The following VPS33B variants were observed in gnomAD, a reference collection of about 807,000 sequenced individuals.
The protein encoded by VPS33B is vacuolar protein sorting-associated protein 33B.
VPS33B carries 80 observed loss-of-function variants against 95.3 expected under a neutral mutation model. The observed-to-expected ratio is 0.84, with a 90% CI of 0.70 to 1.01. The LOEUF is 1.01. Among genes scored for constraint, VPS33B ranks in the 50% least tolerant of loss-of-function variants. VPS33B has a pLI of 0.00. For missense variants in VPS33B, 715 were observed against 773.4 expected, an observed-to-expected ratio of 0.92 and a Z score of 0.90; for synonymous variants, 280 against 280.4, an observed-to-expected ratio of 1.00 and a Z score of 0.01.
At chr15:91,019,394 T>A (rs992005719) in intron 1 of VPS33B, among the ~76,000 whole-genome samples, 1 of 152,266 alleles carries the variant, frequency 6.6e-6, no homozygotes, top group South Asian at 2.1e-4. Flanking sequence ...CTGTTGGGAT[T>A]ATAGGTGTGA....
At position 91,005,896 on chromosome 15, in the gene VPS33B, A is replaced by G; in HGVS notation, c.939+77T>C. On this transcript the variant is annotated intron_variant, in intron 12 of 22. Transcript: ENST00000333371. The surrounding 1 kb of genome is among the most constrained non-coding windows in gnomAD (Gnocchi z 6.4). The stretch of plus-strand genomic sequence containing the variant: ...AGGACAGGGAACCTGTCATAGTATT[A>G]GAAGGGGAGCCCAAGGGCAGCAGCC... 6.2e-7 allele frequency: 1 copy of G among 1,605,542 alleles called. No individual in the cohort carries two copies. The highest frequency in any genetic ancestry group is 2.2e-5 in the East Asian group (1 of 44,804).
rs74516510 is a variant in VPS33B at position 91,002,634 on chromosome 15, TAAAAA to T, written c.1272+446_1272+450del. On this transcript the variant is annotated intron_variant, in intron 17 of 22. Coordinates refer to ENST00000333371, the MANE Select transcript of VPS33B (RefSeq NM_018668.5). This position sits in a 1 kb window ranked among gnomAD's most constrained non-coding sequence, Gnocchi z 4.7. ...AACAGAGCGAGACATCGTCTCGAAA[TAAAAA>T]AAAAAAAAAAAAGAAAAGAAATAAT... Among the ~76,000 whole-genome samples the T allele has an allele frequency of 6.8e-5, 6 of 88,766 alleles. No individual in the cohort carries two copies. Among genetic ancestry groups the T allele is most frequent in the African/African-American group, 1.5e-4 (4 of 26,678 alleles). 58.2% of individuals were successfully genotyped at this position (88,766 alleles called of 152,430 possible). A position where few individuals can be genotyped will look rare whatever the true frequency, so the allele number is the denominator to read the frequency against.
intron 2 of VPS33B, 66 bp from the exon 3 acceptor site, chr15:91,017,090 A>C: frequency 6.7e-7 from 1 of 1,483,450 alleles, no homozygotes; most frequent in Non-Finnish European, 9.4e-7. Context: ...TGTGACACGA[A>C]GATAGGGGAC....
Position 91,000,551 on chromosome 15 carries a change from C to T in VPS33B, c.1520G>A (p.Arg507Gln), listed in dbSNP as rs772096296. The change falls in exon 20 of 23, where the codon CGA becomes CAA. Residue 507 changes from arginine (R) to glutamine (Q), a missense_variant. By Grantham distance (43) the Arg-to-Gln change is conservative. Coordinates refer to ENST00000333371, the MANE Select transcript of VPS33B (RefSeq NM_018668.5). The surrounding 1 kb of genome is among the most constrained non-coding windows in gnomAD (Gnocchi z 4.9). ...ACCACCGAAGACGTAAGCCATGTCT[C>T]GGGGCACTTTCAGATCATACTCGCC... ...VDGEYDLKVP[R>Q]DMAYVFGGAY... 16 of 1,613,410 alleles carry T rather than the reference C, an allele frequency of 9.9e-6. No homozygotes were observed. The highest frequency in any genetic ancestry group is 8.0e-5 in the African/African-American group (6 of 74,902).
intron 16 of VPS33B, among the ~76,000 whole-genome samples, chr15:91,004,166 T>C (rs1352756226): frequency 1.3e-5 from 2 of 149,790 alleles, no homozygotes; most frequent in Non-Finnish European, 1.5e-5. Context: ...GAGGTTGCAG[T>C]GAGCCGAGAT....
Position 90,999,877 on chromosome 15 carries a change from A to T in VPS33B, c.1657+23T>A. On this transcript the variant is annotated intron_variant, in intron 21 of 22. Coordinates refer to ENST00000333371, the MANE Select transcript of VPS33B (RefSeq NM_018668.5). The surrounding 1 kb of genome is among the most constrained non-coding windows in gnomAD (Gnocchi z 5.1). ...CCAGCCCACCTCTCACTGCCAGCCT[A>T]CCCCACTGTTAATGCCACATACCTG... is the stretch of plus-strand genomic sequence containing the variant. 1 of 1,614,086 alleles carries T rather than the reference A, an allele frequency of 6.2e-7. No homozygotes were observed. The highest frequency in any genetic ancestry group is 8.5e-7 in the Non-Finnish European group (1 of 1,180,000).
intron 3 of VPS33B, among the ~76,000 whole-genome samples, chr15:91,016,555 C>T (rs533983648): frequency 2.0e-5 from 3 of 151,458 alleles, no homozygotes; most frequent in Non-Finnish European, 4.4e-5. Flanking sequence ...GGCTAATTTT[C>T]GTATTTTTAG....
At position 91,007,854 on chromosome 15, in the gene VPS33B, G is replaced by A. The variant is rs559599695; in HGVS notation, c.498+16C>T. 124 of 1,611,938 alleles carry A rather than the reference G, an allele frequency of 7.7e-5. 2 individuals carry two copies. In the South Asian group the frequency reaches 1.2e-3, roughly 16 times the overall value. On this transcript the variant is annotated intron_variant, in intron 7 of 22. Coordinates refer to ENST00000333371, the MANE Select transcript of VPS33B (RefSeq NM_018668.5). The surrounding 1 kb of genome is among the most constrained non-coding windows in gnomAD (Gnocchi z 5.3). ...CCCATCCCCTGATGCCAAGACACAA[G>A]GGCCTCTGCATTTACCAGAAAGTAA...
In VPS33B at chr15:91,007,814, C is replaced by A; in HGVS notation, c.498+56G>T. On this transcript the variant is annotated intron_variant, in intron 7 of 22. Transcript: ENST00000333371. The surrounding 1 kb of genome is among the most constrained non-coding windows in gnomAD (Gnocchi z 5.3). ...TTATATTGGTATTTCTAGCCCTCTGCATCCCACATTTGTCCCCATCCCCTG... is the reference window on the plus strand; with the variant it reads ...TTATATTGGTATTTCTAGCCCTCTGAATCCCACATTTGTCCCCATCCCCTG... 6.6e-7 allele frequency: 1 copy of A among 1,506,582 alleles called. No individual in the cohort carries two copies. The highest frequency in any genetic ancestry group is 1.1e-5 in the South Asian group (1 of 88,900). The allele number at this position is 1,506,582 out of a possible 1,614,324, so 93.3% of individuals were successfully genotyped here.
chr15:91,013,780 A>G lies in VPS33B; in HGVS notation c.357+24T>C, dbSNP rs189803083. 39 of 1,613,834 alleles carry G rather than the reference A, an allele frequency of 2.4e-5. No individual in the cohort carries two copies. In the Admixed American group the frequency reaches 4.5e-4, roughly 19 times the overall value. ...CCTCAGTCCTGTTCTACCTTATCCC[A>G]CTTCCTCCAGGATCCAAACTCACCT... On this transcript the variant is annotated intron_variant, in intron 5 of 22. Coordinates refer to ENST00000333371, the MANE Select transcript of VPS33B (RefSeq NM_018668.5). This position sits in a 1 kb window ranked among gnomAD's most constrained non-coding sequence, Gnocchi z 4.5.
Position 90,999,231 on chromosome 15 carries a change from C to T in VPS33B, c.1775-177G>A. 1 of 686,428 alleles carries T rather than the reference C, an allele frequency of 1.5e-6. No individual in the cohort carries two copies. Among genetic ancestry groups the T allele is most frequent in the Non-Finnish European group, 2.6e-6 (1 of 385,200 alleles). The allele number at this position is 686,428 out of a possible 1,614,324, so 42.5% of individuals were successfully genotyped here. On this transcript the variant is annotated intron_variant, in intron 22 of 22. Transcript: ENST00000333371. This position sits in a 1 kb window ranked among gnomAD's most constrained non-coding sequence, Gnocchi z 5.1. ...TTTCTATGACTGGTATAACTGGGCT[C>T]CCTGCTGTGGCAGCCCAGAGTTAAG...
Position 90,999,779 on chromosome 15 carries a change from C to G in VPS33B, c.1672G>C (p.Asp558His), listed in dbSNP as rs2040381240. ...CGCAGGGACTCACTGGAAGCCTTGTCTTCCTTAGTCATATCTGTGAGGATC... is the reference window on the plus strand; with the variant it reads ...CGCAGGGACTCACTGGAAGCCTTGTGTTCCTTAGTCATATCTGTGAGGATC... ...DFAFTDMTKEDKASSESLRLI... is the reference protein window; with the variant it reads ...DFAFTDMTKEHKASSESLRLI... The change falls in exon 22 of 23, where the codon GAC becomes CAC. Residue 558 changes from aspartate (D) to histidine (H), a missense_variant. Asp to His is a moderately conservative substitution (Grantham distance 81). Transcript: ENST00000333371. This position sits in a 1 kb window ranked among gnomAD's most constrained non-coding sequence, Gnocchi z 5.1. 6.2e-7 allele frequency: 1 copy of G among 1,614,184 alleles called. No individual in the cohort carries two copies. Among genetic ancestry groups the G allele is most frequent in the African/African-American group, 1.3e-5 (1 of 75,040 alleles).
chr15:91,015,332 G>A lies in VPS33B; in HGVS notation c.240-899C>T, dbSNP rs952551581. Among the ~76,000 whole-genome samples, 9 of 151,198 alleles carry A rather than the reference G, an allele frequency of 6.0e-5. No individual in the cohort carries two copies. Among genetic ancestry groups the A allele is most frequent in the African/African-American group, 1.9e-4 (8 of 41,036 alleles). The stretch of plus-strand genomic sequence containing the variant: ...GCCTGGATGACAAGAGCTAAACTCC[G>A]TCTCAAAAAAAATAAAATAAAATAA... On this transcript the variant is annotated intron_variant, in intron 3 of 22. Transcript: ENST00000333371. This position sits in a 1 kb window ranked among gnomAD's most constrained non-coding sequence, Gnocchi z 4.7.
At position 91,005,302 on chromosome 15, in the gene VPS33B, T is replaced by C. The variant is rs2040567688; in HGVS notation, c.1105+78A>G. On this transcript the variant is annotated intron_variant, in intron 14 of 22. Coordinates refer to ENST00000333371, the MANE Select transcript of VPS33B (RefSeq NM_018668.5). This position sits in a 1 kb window ranked among gnomAD's most constrained non-coding sequence, Gnocchi z 6.4. ...GTCAGCTGGAAAGAGCCAGAGAACA[T>C]CTTTTAAGGGTGGGACGGGGCTGGG... The C allele has an allele frequency of 1.2e-6, 2 of 1,611,474 alleles. No individual in the cohort carries two copies. The highest frequency in any genetic ancestry group is 2.2e-5 in the South Asian group (2 of 91,002).
rs964325306 is a variant in VPS33B, at chr15:91,018,809, G to T, written c.97-924C>A. 1.3e-5 allele frequency among the ~76,000 whole-genome samples: 2 copies of T among 151,958 alleles called. No individual in the cohort carries two copies. Among genetic ancestry groups the T allele is most frequent in the Non-Finnish European group, 2.9e-5 (2 of 67,968 alleles). On this transcript the variant is annotated intron_variant, in intron 1 of 22. Coordinates refer to ENST00000333371, the MANE Select transcript of VPS33B (RefSeq NM_018668.5). The surrounding 1 kb of genome is among the most constrained non-coding windows in gnomAD (Gnocchi z 4.7). ...TCTTTTTTTTTAAATCTTATTTGTT[G>T]TTTTGTTTTGTTTGTTTGTTTTTTG...
Position 91,006,120 on chromosome 15 carries a change from T to C in VPS33B, c.853-61A>G. 1 of 1,578,868 alleles carries C rather than the reference T, an allele frequency of 6.3e-7. No individual in the cohort carries two copies. The highest frequency in any genetic ancestry group is 8.7e-7 in the Non-Finnish European group (1 of 1,151,114). ...TCAGAACCATAACTTAGCAGTAGAA[T>C]GACAGTACAGGAAGGGTACTCAGGT... On this transcript the variant is annotated intron_variant, in intron 11 of 22. Coordinates refer to ENST00000333371, the MANE Select transcript of VPS33B (RefSeq NM_018668.5). This position sits in a 1 kb window ranked among gnomAD's most constrained non-coding sequence, Gnocchi z 5.4.
Position 90,999,003 on chromosome 15 carries a change from A to C in VPS33B, c.1826T>G (p.Met609Arg). The change falls in exon 23 of 23, where the codon ATG (methionine) becomes AGG (arginine). Residue 609 changes from methionine (M) to arginine (R), a missense_variant. By Grantham distance (91) the Met-to-Arg change is moderately conservative. Coordinates refer to ENST00000333371, the MANE Select transcript of VPS33B (RefSeq NM_018668.5). The surrounding 1 kb of genome is among the most constrained non-coding windows in gnomAD (Gnocchi z 5.1). ...TTAVTNSARL[M>R]EAMSEVKA ...GGCTTTCACCTCACTCATGGCCTCCATAAGGCGAGCGCTGTTTGTGACTGC... is the reference window on the plus strand; with the variant it reads ...GGCTTTCACCTCACTCATGGCCTCCCTAAGGCGAGCGCTGTTTGTGACTGC... 6.2e-7 allele frequency: 1 copy of C among 1,614,190 alleles called. No individual in the cohort carries two copies. The highest frequency in any genetic ancestry group is 8.5e-7 in the Non-Finnish European group (1 of 1,180,036).
chr15:91,009,940 A>C lies in VPS33B; in HGVS notation c.358-94T>G. Reference sequence around the variant, plus strand: ...TCTGTGGTCACTGATGAGGACAATAATTGCCGAACCCAGTGAAAGACAAGA... The same window carrying C: ...TCTGTGGTCACTGATGAGGACAATACTTGCCGAACCCAGTGAAAGACAAGA... On this transcript the variant is annotated intron_variant, in intron 5 of 22. Coordinates refer to ENST00000333371, the MANE Select transcript of VPS33B (RefSeq NM_018668.5). The surrounding 1 kb of genome is among the most constrained non-coding windows in gnomAD (Gnocchi z 4.1). 6.9e-7 allele frequency: 1 copy of C among 1,441,030 alleles called. No individual in the cohort carries two copies. Among genetic ancestry groups the C allele is most frequent in the Non-Finnish European group, 9.7e-7 (1 of 1,027,154 alleles). The allele number at this position is 1,441,030 out of a possible 1,614,324, so 89.3% of individuals were successfully genotyped here. A position where few individuals can be genotyped will look rare whatever the true frequency, so the allele number is the denominator to read the frequency against.
chr15:91,017,649 C>CA (rs1488805434), intron 2 of VPS33B, among the ~76,000 whole-genome samples, 156 bp downstream of exon 2: 2 of 151,442 alleles, frequency 1.3e-5, no homozygotes, highest in Non-Finnish European at 2.9e-5. Context: ...AAACACAAAA[C>CA]AAAAAAATAC....
Sources: gnomAD v4.1 joint callset for allele counts (sites outside exome capture counted in the v4.1 genomes callset) on GRCh38, gnomAD v4.1.1 for gene constraint, Gnocchi (gnomAD v3.1) non-coding constraint, MANE v1.5 for transcripts, NCBI Gene and HGNC (gene_info 2026-07-23, HGNC 2026-07-21) for gene names.